PLCG2: variants seen among roughly 807,000 people sequenced by gnomAD.
The protein encoded by PLCG2 is 1-phosphatidylinositol 4,5-bisphosphate phosphodiesterase gamma-2.
In PLCG2, 69 loss-of-function variants were observed where a neutral mutation model predicts 175.6. That is an observed-to-expected ratio of 0.39 (90% CI 0.32 to 0.48). The LOEUF is 0.48. Among genes scored for constraint, PLCG2 ranks in the 20% least tolerant of loss-of-function variants. The pLI, the probability that PLCG2 is intolerant of heterozygous loss-of-function variation, is 0.91. For missense variants in PLCG2, 1,798 were observed against 1,650.9 expected, an observed-to-expected ratio of 1.09 and a Z score of -1.54; for synonymous variants, 827 against 624.0, an observed-to-expected ratio of 1.33 and a Z score of -4.85.
Position 81,786,114 on chromosome 16 carries a change from C to A in PLCG2, c.125C>A (p.Thr42Asn). Residue 42 changes from threonine to asparagine, a missense_variant, in exon 2 of 33, where the codon ACC (threonine) becomes AAC (asparagine). By Grantham distance (65) the Thr-to-Asn change is moderately conservative (BLOSUM62 0). Transcript: ENST00000564138. ...SFRKSTPERRTVQVIMETRQV... is the reference protein window; with the variant it reads ...SFRKSTPERRNVQVIMETRQV... ...CGCAAGTCCACCCCCGAGCGGAGAA[C>A]CGTCCAGGTGATCATGGAGACGCGG... is the stretch of plus-strand genomic sequence containing the variant. 1.9e-6 allele frequency: 3 copies of A among 1,614,192 alleles called. No homozygotes were observed. Among genetic ancestry groups the A allele is most frequent in the South Asian group, 2.2e-5 (2 of 91,074 alleles).
Position 81,817,222 on chromosome 16 carries a change from G to A in PLCG2, c.193+31040G>A, listed in dbSNP as rs1904592518. 2.6e-5 allele frequency among the ~76,000 whole-genome samples: 4 copies of A among 152,094 alleles called. No homozygotes were observed. In the South Asian group the frequency reaches 8.3e-4, roughly 32 times the overall value. On this transcript the variant is annotated intron_variant, in intron 2 of 32. Coordinates refer to ENST00000564138, the MANE Select transcript of PLCG2 (RefSeq NM_002661.5). The stretch of plus-strand genomic sequence containing the variant: ...TCTCTGAGGAGCTGATATTTAGGCC[G>A]AGATCCGATGGGAAGAATCCTCTAG...
chr16:81,854,629 A>G, intron 3 of PLCG2, 42 bp downstream of exon 3: 2 of 1,591,164 alleles, frequency 1.3e-6, no homozygotes, highest in East Asian at 2.2e-5. Flanking sequence ...CCTGTGCCTT[A>G]GTGTCTTCCT....
intron 1 of PLCG2, 24 bp from the exon 2 acceptor site, chr16:81,785,919 C>G (rs1288650574): frequency 7.8e-6 from 11 of 1,409,972 alleles, no homozygotes; most frequent in Non-Finnish European, 1.1e-5. Context: ...AAAATCAGTT[C>G]ACTCTTTAAT....
intron 13 of PLCG2, among the ~76,000 whole-genome samples, chr16:81,897,129 C>T (rs967751797): frequency 6.6e-6 from 1 of 152,230 alleles, no homozygotes; most frequent in African/African-American, 2.4e-5. Context: ...TTGAATTACA[C>T]ATTACAAAAA....
At chr16:81,837,691 T>G (rs1235735821) in intron 2 of PLCG2, among the ~76,000 whole-genome samples, 1 of 152,026 alleles carries the variant, frequency 6.6e-6, no homozygotes, top group Non-Finnish European at 1.5e-5. Context: ...TGTGTTTTTT[T>G]TTTTTTTTTT....
intron 14 of PLCG2, among the ~76,000 whole-genome samples, chr16:81,902,586 C>G (rs1255039869): frequency 6.6e-6 from 1 of 152,072 alleles, no homozygotes; most frequent in African/African-American, 2.4e-5. Flanking sequence ...TACCCTCATT[C>G]CCATTCACTG....
intron 11 of PLCG2, among the ~76,000 whole-genome samples, chr16:81,892,505 C>T (rs1175122507): frequency 6.6e-6 from 1 of 151,720 alleles, no homozygotes; most frequent in Non-Finnish European, 1.5e-5. Flanking sequence ...TGGTGTTATG[C>T]TCCAGGCATT....
intron 31 of PLCG2, 134 bp from the exon 32 acceptor site, chr16:81,956,561 C>G (rs1297265273): frequency 3.3e-6 from 2 of 605,786 alleles, no homozygotes; most frequent in East Asian, 5.6e-5. Flanking sequence ...TAGGCCCTGG[C>G]TCTTCTGGGC....
At chr16:81,851,119 A>C (rs550478842) in intron 2 of PLCG2, among the ~76,000 whole-genome samples, 10 of 152,152 alleles carry the variant, frequency 6.6e-5, no homozygotes, top group Non-Finnish European at 1.2e-4. Context: ...CAAGGTTTAG[A>C]GATACCACCC....
chr16:81,776,941 C>T (rs116513846), upstream of PLCG2, among the ~76,000 whole-genome samples: 1,465 of 152,192 alleles, frequency 9.6e-3, 28 homozygotes, highest in African/African-American at 0.034. Context: ...CTGATTCCTT[C>T]AGTCGTTCAC....
intron 21 of PLCG2, among the ~76,000 whole-genome samples, chr16:81,921,927 C>T (rs528083897): frequency 1.3e-5 from 2 of 152,278 alleles, no homozygotes; most frequent in East Asian, 1.9e-4. Context: ...GAAATGAAAT[C>T]TTGAAAAGTT....
At chr16:81,896,411 CACACACACACACACAA>C (rs1908891911) in intron 13 of PLCG2, among the ~76,000 whole-genome samples, 1 of 111,512 alleles carries the variant, frequency 9.0e-6, no homozygotes, top group Non-Finnish European at 2.0e-5. Context: ...CACACACACA[CACACACACACACACAA>C]ATCATCTGGG....
intron 2 of PLCG2, among the ~76,000 whole-genome samples, chr16:81,794,431 T>C (rs1056378298): frequency 2.0e-5 from 3 of 152,172 alleles, no homozygotes; most frequent in Non-Finnish European, 4.4e-5. Flanking sequence ...GCCCCTGCAA[T>C]GAAGCGTCTC....
rs1204425427 is a variant in PLCG2 at position 81,958,909 on chromosome 16, C to T, written c.*911C>T. On this transcript the variant is annotated 3_prime_UTR_variant, in exon 33 of 33. Transcript: ENST00000564138. Reference sequence around the variant, plus strand: ...GATGGCGAAATGTCTCTGGGTTACCCAGTCTTCTGGAGCAGCAAGCTGAGC... The same window carrying T: ...GATGGCGAAATGTCTCTGGGTTACCTAGTCTTCTGGAGCAGCAAGCTGAGC... The T allele has an allele frequency of 4.5e-6, 1 of 221,182 alleles. No individual in the cohort carries two copies. 13.7% of individuals were successfully genotyped at this position (221,182 alleles called of 1,614,324 possible).
rs1339946261 is a variant in PLCG2, at chr16:81,934,443, G to A, written c.2754G>A (p.Lys918=). 6.2e-7 allele frequency: 1 copy of A among 1,611,600 alleles called. No homozygotes were observed. Among genetic ancestry groups the A allele is most frequent in the Admixed American group, 1.7e-5 (1 of 59,976 alleles). ...ACTCCAAACAGGAGAACAACATGAA[G>A]TACTGGGAGAAGAACCAGTCCATCG... ...WKIDTKENNM[K]YWEKNQSIAI... The change falls in exon 26 of 33, where the codon AAG becomes AAA. Residue 918 remains lysine, a synonymous_variant. Transcript: ENST00000564138.
At chr16:81,742,154 C>CGGGG (rs55847562) in intron 1 of PLCG2, among the ~76,000 whole-genome samples, 3 of 111,552 alleles carry the variant, frequency 2.7e-5, no homozygotes, top group African/African-American at 1.4e-4. Flanking sequence ...ATTGTGGGGG[C>CGGGG]GGGGGGGGGG....
intron 2 of PLCG2, among the ~76,000 whole-genome samples, chr16:81,850,636 G>A (rs556951657): frequency 2.6e-5 from 4 of 152,174 alleles, no homozygotes; most frequent in East Asian, 1.9e-4. Flanking sequence ...CTGGCTCCCC[G>A]AAGACAGTCA....
intron 1 of PLCG2, 184 bp from the exon 2 acceptor site, chr16:81,785,759 C>T (rs1910940557): frequency 4.3e-6 from 2 of 466,470 alleles, no homozygotes; most frequent in African/African-American, 4.0e-5. Flanking sequence ...CTTCAGTTTC[C>T]ATTTAAACCT....
intron 9 of PLCG2, 60 bp downstream of exon 9, chr16:81,883,401 T>TCTCACCCTTCTGCCGCCTGTG: frequency 7.2e-7 from 1 of 1,385,986 alleles, no homozygotes; most frequent in Admixed American, 1.7e-5. Context: ...TGGGGACTAG[T>TCTCACCCTTCTGCCGCCTGTG]CTCACCCTTC....
Sources: gnomAD v4.1 joint callset for allele counts (sites outside exome capture counted in the v4.1 genomes callset) on GRCh38, gnomAD v4.1.1 for gene constraint, MANE v1.5 for transcripts, NCBI Gene and HGNC (gene_info 2026-07-23, HGNC 2026-07-21) for gene names.